The following USP42 variants were observed in gnomAD, a reference collection of about 807,000 sequenced individuals.
USP42 encodes the protein ubiquitin specific peptidase 42, also known as ubiquitin carboxyl-terminal hydrolase 42.
USP42 carries 23 observed loss-of-function variants against 113.0 expected under a neutral mutation model. That is an observed-to-expected ratio of 0.20 (90% CI 0.15 to 0.29). USP42 has a LOEUF of 0.29. USP42 is among the 10% of genes least tolerant of loss of function. USP42 has a pLI of 1.00. For synonymous variants in USP42, 933 were observed against 699.0 expected (o/e 1.33, Z -5.28); for missense variants, 2,174 against 1,779.8 (o/e 1.22, Z -3.99).
chr7:6,161,097 C>G lies in USP42; in HGVS notation c.*579C>G, dbSNP rs1289256813. On this transcript the variant is annotated 3_prime_UTR_variant, in exon 18 of 18. Coordinates refer to ENST00000306177, the MANE Select transcript of USP42 (RefSeq NM_032172.3). ...TTTATAGACAAGTTCTGTTTTTGAA[C>G]TTTGTGGAACTGTTCCAATCAATCA... 6.6e-6 allele frequency: 1 copy of G among 152,558 alleles called. No homozygotes were observed. The highest frequency in any genetic ancestry group is 1.5e-5 in the Non-Finnish European group (1 of 68,040). The allele number at this position is 152,558 out of a possible 1,614,324, so 9.5% of individuals were successfully genotyped here.
chr7:6,129,721 T>C (rs1441381809), intron 3 of USP42, among the ~76,000 whole-genome samples: 2 of 151,834 alleles, frequency 1.3e-5, no homozygotes, highest in Non-Finnish European at 2.9e-5. Context: ...ATTAGCCAGG[T>C]GTGGTGGTGC....
Position 6,107,488 on chromosome 7 carries a change from C to G in USP42, c.-10+2456C>G, listed in dbSNP as rs1160694543. Among the ~76,000 whole-genome samples, 5 of 151,166 alleles carry G rather than the reference C, an allele frequency of 3.3e-5. No individual in the cohort carries two copies. The Admixed American group carries it at 3.3e-4, about 10-fold the overall frequency. On this transcript the variant is annotated intron_variant, in intron 1 of 17. Transcript: ENST00000306177. Reference sequence around the variant, plus strand: ...GCAATGGCGCGATCTCGGCTCACCACAACCTCTGCCTCCTGGGTTCAAGGG... The same window carrying G: ...GCAATGGCGCGATCTCGGCTCACCAGAACCTCTGCCTCCTGGGTTCAAGGG...
chr7:6,093,468 A>T, the USP42 span, among the ~76,000 whole-genome samples: 1 of 150,370 alleles, frequency 6.7e-6, no homozygotes, highest in African/African-American at 2.5e-5. Context: ...GTATTTTTTG[A>T]TAGAAACCAA....
the USP42 span, among the ~76,000 whole-genome samples, chr7:6,099,460 C>T: frequency 1.7e-4 from 26 of 149,960 alleles, 1 homozygote; most frequent in African/African-American, 6.0e-4. Context: ...ATGATCTGCC[C>T]GCCTCGGCCT....
chr7:6,116,699 C>A, intron 3 of USP42: 1 of 482,580 alleles, frequency 2.1e-6, no homozygotes, highest in Non-Finnish European at 4.1e-6. Flanking sequence ...CTTAAAGAAA[C>A]CAAAGAAAAA....
chr7:6,139,534 C>G lies in USP42; in HGVS notation c.656+340C>G, dbSNP rs1184136802. 2 of 215,442 alleles carry G rather than the reference C, an allele frequency of 9.3e-6. No homozygotes were observed. The highest frequency in any genetic ancestry group is 1.8e-5 in the Non-Finnish European group (2 of 109,448). The allele number at this position is 215,442 out of a possible 1,614,324, so 13.3% of individuals were successfully genotyped here. ...AGTTGTGCCTGACATTTTCTTTTCT[C>G]TGCTGCCCTCCAGCCTGTGTTTATT... On this transcript the variant is annotated intron_variant, in intron 5 of 17. Transcript: ENST00000306177. This position sits in a 1 kb window ranked among gnomAD's most constrained non-coding sequence, Gnocchi z 4.5.
chr7:6,154,634 G>C lies in USP42; in HGVS notation c.3080G>C (p.Gly1027Ala), dbSNP rs369773451. The C allele has an allele frequency of 5.4e-5, 87 of 1,602,988 alleles. No homozygotes were observed. The highest frequency in any genetic ancestry group is 6.9e-5 in the Non-Finnish European group (81 of 1,176,106). ...CSHHHSRHRS[G>A]VELDWVRHHY... The stretch of plus-strand genomic sequence containing the variant: ...CACCACCACTCCCGACACCGGAGCG[G>C]GGTGGAGCTGGACTGGGTCAGACAC... Residue 1027 changes from glycine to alanine, a missense_variant, in exon 15 of 18, where the codon GGG (glycine) becomes GCG (alanine). Gly to Ala is a moderately conservative substitution (Grantham distance 60). Coordinates refer to ENST00000306177, the MANE Select transcript of USP42 (RefSeq NM_032172.3).
intron 3 of USP42, among the ~76,000 whole-genome samples, chr7:6,126,312 T>G (rs1780540974): frequency 1.4e-5 from 2 of 146,480 alleles, no homozygotes; most frequent in Admixed American, 7.0e-5. Context: ...TGAGAGGAAG[T>G]CTTGCTCTGT....
intron 11 of USP42, among the ~76,000 whole-genome samples, chr7:6,146,936 A>G (rs1197253440): frequency 6.6e-6 from 1 of 152,248 alleles, no homozygotes; most frequent in East Asian, 1.9e-4. Context: ...CCTGGAGCAC[A>G]GGTCAGTTGC....
chr7:6,155,584 T>A (rs1232248324), intron 15 of USP42, among the ~76,000 whole-genome samples: 1 of 152,180 alleles, frequency 6.6e-6, no homozygotes, highest in Non-Finnish European at 1.5e-5. Flanking sequence ...TATGTTTTCA[T>A]ATCTGTTATA....
rs1782661699 is a variant in USP42, at chr7:6,159,677, A to G, written c.*36+184A>G. On this transcript the variant is annotated intron_variant, in intron 17 of 17. Coordinates refer to ENST00000306177, the MANE Select transcript of USP42 (RefSeq NM_032172.3). The surrounding 1 kb of genome is among the most constrained non-coding windows in gnomAD (Gnocchi z 4.1). ...AGGCCACGCGCTTGGGGACAGACCT[A>G]GACCCTCCACCTCATCACGTTTGCA... 6.6e-6 allele frequency among the ~76,000 whole-genome samples: 1 copy of G among 152,156 alleles called. No individual in the cohort carries two copies. The highest frequency in any genetic ancestry group is 6.5e-5 in the Admixed American group (1 of 15,270).
the USP42 span, among the ~76,000 whole-genome samples, chr7:6,083,216 C>T: frequency 6.9e-6 from 1 of 145,426 alleles, no homozygotes; most frequent in Non-Finnish European, 1.5e-5. Flanking sequence ...TGAGCCACCG[C>T]ACCCAGCTTA....
chr7:6,127,255 C>T (rs1028379375), intron 3 of USP42, among the ~76,000 whole-genome samples: 1 of 152,174 alleles, frequency 6.6e-6, no homozygotes, highest in Non-Finnish European at 1.5e-5. Flanking sequence ...TCTTCATCCA[C>T]TTAGTGGTTG....
intron 3 of USP42, among the ~76,000 whole-genome samples, chr7:6,131,112 C>G (rs1047406408): frequency 2.0e-5 from 3 of 152,140 alleles, no homozygotes; most frequent in African/African-American, 7.2e-5. Flanking sequence ...CAAAGGCTTG[C>G]ACGAACGCTG....
intron 3 of USP42, among the ~76,000 whole-genome samples, chr7:6,117,372 A>G (rs1779968002): frequency 6.6e-6 from 1 of 152,208 alleles, no homozygotes; most frequent in East Asian, 1.9e-4. Flanking sequence ...TGTGCCATGT[A>G]GCATCACTTG....
At chr7:6,134,990 A>G (rs1258630355) in intron 3 of USP42, among the ~76,000 whole-genome samples, 1 of 151,954 alleles carries the variant, frequency 6.6e-6, no homozygotes, top group African/African-American at 2.4e-5. Flanking sequence ...GGGTTTGACC[A>G]TGTTGCCCAG....
At chr7:6,113,591 G>A (rs1562803733) in intron 2 of USP42, among the ~76,000 whole-genome samples, 4 of 151,968 alleles carry the variant, frequency 2.6e-5, no homozygotes, top group Admixed American at 1.3e-4. Flanking sequence ...GATTCTACAT[G>A]GCATCTCAGC....
chr7:6,105,793 G>A (rs1029142811), intron 1 of USP42, among the ~76,000 whole-genome samples: 5 of 152,220 alleles, frequency 3.3e-5, no homozygotes, highest in African/African-American at 1.2e-4. Flanking sequence ...AATGAAAATT[G>A]GACGGAACAA....
chr7:6,144,681 C>T (rs1029700151), intron 9 of USP42, among the ~76,000 whole-genome samples: 2 of 152,090 alleles, frequency 1.3e-5, no homozygotes, highest in Non-Finnish European at 1.5e-5. Flanking sequence ...ACCACTCTGG[C>T]GAACGTGGCA....
Sources: allele counts gnomAD v4.1 joint callset (sites outside exome capture counted in the v4.1 genomes callset), GRCh38; gene constraint gnomAD v4.1.1; non-coding constraint Gnocchi (gnomAD v3.1); transcripts MANE v1.5; gene names NCBI Gene and HGNC (gene_info 2026-07-23, HGNC 2026-07-21).